Variants in PCDH7 observed in about 807,000 individuals in gnomAD.
PCDH7 encodes the protein protocadherin-7.
PCDH7 carries 17 observed loss-of-function variants against 58.9 expected under a neutral mutation model. The observed-to-expected ratio is 0.29, with a 90% CI of 0.20 to 0.43. The LOEUF (loss-of-function observed/expected upper bound fraction) is 0.43. Among genes scored for constraint, PCDH7 ranks in the 20% least tolerant of loss-of-function variants. The pLI is 1.00. For missense variants in PCDH7, 1,274 were observed against 1,441.0 expected (o/e 0.88, Z 1.88); for synonymous variants, 664 against 616.4 (o/e 1.08, Z -1.14).
rs1043403957 is a variant in PCDH7, at chr4:30,825,480, A to T, written c.71-94673A>T. ...ATCAATGCCACATTAAAATTTAAGGAACTACTTCATCAAAACCACATGCTT... is the reference window on the plus strand; with the variant it reads ...ATCAATGCCACATTAAAATTTAAGGTACTACTTCATCAAAACCACATGCTT... On this transcript the variant is annotated intron_variant, in intron 1 of 3. Transcript: ENST00000509759. Among the ~76,000 whole-genome samples, 4 of 152,106 alleles carry T rather than the reference A, an allele frequency of 2.6e-5. No homozygotes were observed. The East Asian group carries it at 7.7e-4, about 29-fold the overall frequency.
chr4:30,937,476 T>G (rs1379423944), intron 2 of PCDH7, among the ~76,000 whole-genome samples: 2 of 152,146 alleles, frequency 1.3e-5, no homozygotes, highest in Admixed American at 1.3e-4. Context: ...CCCTAGGGAA[T>G]ATTTATTTTA....
intron 1 of PCDH7, among the ~76,000 whole-genome samples, chr4:30,897,031 C>T (rs1048080805): frequency 6.6e-6 from 1 of 150,542 alleles, no homozygotes; most frequent in African/African-American, 2.4e-5. Context: ...CAGCCTCCCG[C>T]GTAGCTGGGA....
intron 3 of PCDH7, among the ~76,000 whole-genome samples, chr4:30,985,446 A>C (rs904286720): frequency 6.6e-6 from 1 of 152,184 alleles, no homozygotes; most frequent in African/African-American, 2.4e-5. Flanking sequence ...GAGATACTTT[A>C]ACATCTAGTA....
intron 3 of PCDH7, among the ~76,000 whole-genome samples, chr4:31,069,348 G>T (rs968244918): frequency 6.6e-6 from 1 of 150,940 alleles, no homozygotes; most frequent in Admixed American, 6.6e-5. Context: ...GCTGAAATAA[G>T]CCAAGTCTCC....
intron 3 of PCDH7, among the ~76,000 whole-genome samples, chr4:31,023,366 G>T (rs1013199811): frequency 7.2e-5 from 11 of 152,088 alleles, no homozygotes; most frequent in African/African-American, 2.2e-4. Context: ...CCCTATTCTT[G>T]TCCTGACATC....
At chr4:31,111,643 G>A (rs570007575) in intron 3 of PCDH7, among the ~76,000 whole-genome samples, 2 of 152,220 alleles carry the variant, frequency 1.3e-5, no homozygotes, top group African/African-American at 2.4e-5. Flanking sequence ...TCAGAGGTAC[G>A]GAAGTGTGAA....
intron 3 of PCDH7, among the ~76,000 whole-genome samples, chr4:31,060,789 T>A (rs573626406): frequency 4.9e-4 from 74 of 151,888 alleles, no homozygotes; most frequent in African/African-American, 1.7e-3. Context: ...GATGAAAATG[T>A]TGATTTAGTT....
At chr4:31,052,073 A>G (rs9291558) in intron 3 of PCDH7, among the ~76,000 whole-genome samples, 95,623 of 151,398 alleles carry the variant, frequency 0.63, 32,661 homozygotes, top group African/African-American at 0.9. Context: ...GAAGGCTAAT[A>G]TTGCTCTGTG....
intron 2 of PCDH7, 91 bp downstream of exon 2, chr4:30,920,460 T>G: frequency 1.4e-6 from 1 of 712,174 alleles, no homozygotes; most frequent in Non-Finnish European, 2.1e-6. Context: ...CAAAATAAAA[T>G]AGCTGACATT....
chr4:30,956,350 A>G (rs940993932), intron 3 of PCDH7, among the ~76,000 whole-genome samples: 1 of 152,204 alleles, frequency 6.6e-6, no homozygotes, highest in African/African-American at 2.4e-5. Context: ...ATTTTATCGG[A>G]ATTGATGATT....
intron 1 of PCDH7, among the ~76,000 whole-genome samples, chr4:30,752,536 C>T (rs188268737): frequency 9.7e-4 from 147 of 151,750 alleles, no homozygotes; most frequent in African/African-American, 3.3e-3. Flanking sequence ...CTTAATATTT[C>T]TACTTCTCAA....
chr4:30,814,858 T>A (rs1245694734), intron 1 of PCDH7, among the ~76,000 whole-genome samples: 2 of 152,130 alleles, frequency 1.3e-5, no homozygotes, highest in African/African-American at 4.8e-5. Flanking sequence ...TTCCCCATAA[T>A]TTTTATTAAA....
At chr4:30,933,034 T>TTTC (rs1491374050) in intron 2 of PCDH7, among the ~76,000 whole-genome samples, 31 of 10,870 alleles carry the variant, frequency 2.9e-3, no homozygotes, top group African/African-American at 0.012. Context: ...TCTTTCTTTC[T>TTTC]TTTTTTTTTT....
chr4:30,757,902 A>G (rs953656027), intron 1 of PCDH7, among the ~76,000 whole-genome samples: 2 of 151,634 alleles, frequency 1.3e-5, no homozygotes, highest in South Asian at 2.1e-4. Flanking sequence ...CATATAATGC[A>G]TATGTACATG....
chr4:30,827,501 G>T (rs1729250470), intron 1 of PCDH7, among the ~76,000 whole-genome samples: 1 of 151,948 alleles, frequency 6.6e-6, no homozygotes, highest in African/African-American at 2.4e-5. Flanking sequence ...CAGAAAGAGT[G>T]GTCTTTGAAC....
In PCDH7 at chr4:30,721,573, G is replaced by C; in HGVS notation, c.151G>C (p.Val51Leu). Residue 51 changes from valine to leucine, a missense_variant, in exon 1 of 2, where the codon GTG (valine) becomes CTG (leucine). Coordinates refer to ENST00000361762, the Ensembl canonical transcript of PCDH7. The surrounding 1 kb of genome is among the most constrained non-coding windows in gnomAD (Gnocchi z 6.7). ...CCCCGCCGACGTCCGCATCGGCAACGTGGCTTCAGACCTGGGCATCGTGAC... is the reference window on the plus strand; with the variant it reads ...CCCCGCCGACGTCCGCATCGGCAACCTGGCTTCAGACCTGGGCATCGTGAC... 2 of 1,607,972 alleles carry C rather than the reference G, an allele frequency of 1.2e-6. No homozygotes were observed. The highest frequency in any genetic ancestry group is 1.7e-6 in the Non-Finnish European group (2 of 1,179,858).
At chr4:30,923,379 G>A (rs990193359) in intron 2 of PCDH7, among the ~76,000 whole-genome samples, 2 of 152,100 alleles carry the variant, frequency 1.3e-5, no homozygotes, top group African/African-American at 4.8e-5. Flanking sequence ...TAAGTGAAAT[G>A]TACTTACATT....
At chr4:30,869,638 A>G (rs1305279434) in intron 1 of PCDH7, among the ~76,000 whole-genome samples, 14 of 152,158 alleles carry the variant, frequency 9.2e-5, no homozygotes, top group South Asian at 2.1e-4. Flanking sequence ...GCTGCATAGT[A>G]TTCCATGGTG....
chr4:30,782,836 C>T (rs1018556401), intron 1 of PCDH7, among the ~76,000 whole-genome samples: 2 of 152,090 alleles, frequency 1.3e-5, no homozygotes, highest in African/African-American at 2.4e-5. Context: ...TAAGGATGTT[C>T]CTTTCCTTCG....
Sources: allele counts gnomAD v4.1 joint callset (sites outside exome capture counted in the v4.1 genomes callset), GRCh38; gene constraint gnomAD v4.1.1; non-coding constraint Gnocchi (gnomAD v3.1); transcripts MANE v1.5; gene names NCBI Gene and HGNC (gene_info 2026-07-23, HGNC 2026-07-21).